The following HDAC9 variants were observed in gnomAD, a reference collection of about 807,000 sequenced individuals.
HDAC9 encodes MEF-2 interacting transcription repressor (MITR) protein.
A neutral mutation model predicts 139.4 loss-of-function variants in HDAC9; 41 were observed. The ratio of observed to expected loss-of-function variants is 0.29; its 90% CI spans 0.23 to 0.38. The LOEUF is 0.38. Among genes scored for constraint, HDAC9 ranks in the 10% least tolerant of loss-of-function variants. The pLI is 1.00. For synonymous variants in HDAC9, 517 were observed against 476.2 expected, an observed-to-expected ratio of 1.09 and a Z score of -1.12; for missense variants, 1,147 against 1,297.0, an observed-to-expected ratio of 0.88 and a Z score of 1.78.
At chr7:18,700,849 A>T (rs1783418850) in intron 12 of HDAC9, among the ~76,000 whole-genome samples, 1 of 152,154 alleles carries the variant, frequency 6.6e-6, no homozygotes, top group Non-Finnish European at 1.5e-5. Flanking sequence ...GCTGGCAAGC[A>T]CTTTTTAAGT....
At chr7:18,445,780 A>T (rs1282436015) in intron 1 of HDAC9, among the ~76,000 whole-genome samples, 1 of 152,252 alleles carries the variant, frequency 6.6e-6, no homozygotes, top group Non-Finnish European at 1.5e-5. Context: ...GGTTAGTTAA[A>T]TCAGCCAAAA....
intron 22 of HDAC9, among the ~76,000 whole-genome samples, chr7:18,894,020 G>A (rs1480347377): frequency 4.6e-5 from 7 of 152,128 alleles, no homozygotes; most frequent in Admixed American, 3.3e-4. Context: ...AGTAGTCATA[G>A]TTTGATTTAT....
At chr7:18,349,361 C>CAG (rs1269253459) in intron 1 of HDAC9, among the ~76,000 whole-genome samples, 1 of 138,318 alleles carries the variant, frequency 7.2e-6, no homozygotes, top group African/African-American at 2.6e-5. Flanking sequence ...CACACACACA[C>CAG]AGATATTGCC....
At chr7:18,645,248 T>G (rs1007843593) in intron 9 of HDAC9, among the ~76,000 whole-genome samples, 3 of 152,094 alleles carry the variant, frequency 2.0e-5, no homozygotes, top group Non-Finnish European at 4.4e-5. Context: ...CAGCATATGT[T>G]TATAGAATTT....
intron 21 of HDAC9, among the ~76,000 whole-genome samples, chr7:18,843,690 C>T (rs1015513769): frequency 5.3e-5 from 8 of 151,902 alleles, no homozygotes; most frequent in African/African-American, 1.7e-4. Context: ...AGCAATTACC[C>T]TCTTTTTCTA....
chr7:18,413,524 T>C (rs1788767185), intron 1 of HDAC9, among the ~76,000 whole-genome samples: 1 of 152,136 alleles, frequency 6.6e-6, no homozygotes, highest in Non-Finnish European at 1.5e-5. Context: ...CACTGTTTAT[T>C]ACTACATCAA....
chr7:18,779,399 T>C (rs1791054063), intron 16 of HDAC9, among the ~76,000 whole-genome samples: 1 of 151,996 alleles, frequency 6.6e-6, no homozygotes, highest in African/African-American at 2.4e-5. Context: ...CAATAAAGAA[T>C]ATCAGAGGTT....
chr7:18,752,098 T>G (rs1040149722), intron 14 of HDAC9, among the ~76,000 whole-genome samples: 2 of 152,176 alleles, frequency 1.3e-5, no homozygotes, highest in African/African-American at 2.4e-5. Context: ...ACTTTCTATT[T>G]CATGCCAAAT....
At chr7:18,119,549 T>A (rs952036413) in intron 1 of HDAC9, among the ~76,000 whole-genome samples, 2 of 152,232 alleles carry the variant, frequency 1.3e-5, no homozygotes, top group African/African-American at 4.8e-5. Context: ...TCTGAAGAAC[T>A]GTTCAGCGTA....
chr7:18,610,428 A>G (rs1179691440), intron 6 of HDAC9, among the ~76,000 whole-genome samples: 1 of 151,884 alleles, frequency 6.6e-6, no homozygotes, highest in Non-Finnish European at 1.5e-5. Context: ...GCCTAGGCTC[A>G]CCTTTTCACA....
chr7:18,737,437 T>C (rs190055959), intron 13 of HDAC9, among the ~76,000 whole-genome samples: 242 of 152,374 alleles, frequency 1.6e-3, no homozygotes, highest in Non-Finnish European at 2.9e-3. Context: ...AGTGGTGTCT[T>C]TGTTCTCACT....
chr7:18,257,939 C>T (rs1334926787), intron 2 of HDAC9, among the ~76,000 whole-genome samples: 1 of 152,194 alleles, frequency 6.6e-6, no homozygotes, highest in African/African-American at 2.4e-5. Context: ...GTTCACACTG[C>T]AGCATCATCT....
intron 1 of HDAC9, among the ~76,000 whole-genome samples, chr7:18,386,963 G>A (rs1562941117): frequency 6.6e-6 from 1 of 152,108 alleles, no homozygotes. Flanking sequence ...CCGCAATGTG[G>A]CAGCTCATCA....
At chr7:18,621,685 T>C (rs2128945033) in intron 6 of HDAC9, among the ~76,000 whole-genome samples, 1 of 152,334 alleles carries the variant, frequency 6.6e-6, no homozygotes, top group East Asian at 1.9e-4. Flanking sequence ...TTAGAAATTT[T>C]GCTCCTTAGT....
At chr7:18,451,071 A>G (rs1792771837) in intron 1 of HDAC9, among the ~76,000 whole-genome samples, 2 of 152,152 alleles carry the variant, frequency 1.3e-5, no homozygotes, top group African/African-American at 4.8e-5. Context: ...TTAAGAGGTA[A>G]GGTCTTTGGA....
At chr7:18,598,469 T>C (rs1159831805) in intron 6 of HDAC9, among the ~76,000 whole-genome samples, 2 of 152,156 alleles carry the variant, frequency 1.3e-5, no homozygotes, top group Admixed American at 1.3e-4. Flanking sequence ...CACTTGGAAA[T>C]TTGGGTCCTC....
intron 25 of HDAC9, among the ~76,000 whole-genome samples, chr7:18,988,542 G>C (rs2129347354): frequency 6.6e-6 from 1 of 152,084 alleles, no homozygotes; most frequent in Admixed American, 6.5e-5. Flanking sequence ...ATATTCTGTT[G>C]ATTTGGGGTG....
chr7:18,461,485 A>T (rs1004970131), intron 1 of HDAC9, among the ~76,000 whole-genome samples: 1 of 152,190 alleles, frequency 6.6e-6, no homozygotes, highest in African/African-American at 2.4e-5. Flanking sequence ...AAATGTTTAT[A>T]ATATTGTAAC....
chr7:18,607,761 GA>G (rs1204830395), intron 6 of HDAC9, among the ~76,000 whole-genome samples: 18 of 152,072 alleles, frequency 1.2e-4, no homozygotes, highest in African/African-American at 4.3e-4. Context: ...GATTGTATAT[GA>G]AACTAAGAAG....
Sources: allele counts gnomAD v4.1 joint callset (sites outside exome capture counted in the v4.1 genomes callset), GRCh38; gene constraint gnomAD v4.1.1; transcripts MANE v1.5; gene names NCBI Gene and HGNC (gene_info 2026-07-23, HGNC 2026-07-21).